IPP: variants seen among roughly 807,000 people sequenced by gnomAD.
IPP encodes intracisternal A particle-promoted polypeptide.
Under a neutral mutation model 64.1 loss-of-function variants are expected in IPP, and 41 were observed. The observed-to-expected ratio is 0.64, with a 90% CI of 0.50 to 0.83. The LOEUF (loss-of-function observed/expected upper bound fraction) is 0.83. Among genes scored for constraint, IPP ranks in the 40% least tolerant of loss-of-function variants. IPP has a pLI of 0.00. For synonymous variants in IPP, 214 were observed against 235.2 expected (o/e 0.91, Z 0.83); for missense variants, 649 against 703.0 (o/e 0.92, Z 0.87).
At chr1:45,709,826 T>TAAA (rs151099023) in intron 8 of IPP, among the ~76,000 whole-genome samples, 95 of 6,684 alleles carry the variant, frequency 0.014, 2 homozygotes, top group Non-Finnish European at 0.024. Flanking sequence ...AGACTCTGTC[T>TAAA]AAAAAAAAAA....
intron 8 of IPP, among the ~76,000 whole-genome samples, chr1:45,713,269 A>G (rs1341719627): frequency 6.6e-6 from 1 of 152,032 alleles, no homozygotes; most frequent in Non-Finnish European, 1.5e-5. Flanking sequence ...CCATAGAAAA[A>G]AAAAAATTCA....
rs553392251 is a variant in IPP at position 45,732,918 on chromosome 1, G to A, written c.725-3149C>T. On this transcript the variant is annotated intron_variant, in intron 3 of 8. Coordinates refer to ENST00000396478, the MANE Select transcript of IPP (RefSeq NM_005897.3). ...CTGACCTCGTGATCTGCCTGCCTCA[G>A]CCTCCCAAAGTGCTGGGATTACAGG... Among the ~76,000 whole-genome samples the A allele has an allele frequency of 2.0e-5, 3 of 152,084 alleles. No homozygotes were observed. In the South Asian group the frequency reaches 6.2e-4, roughly 32 times the overall value.
rs554045807 is a variant in IPP, at chr1:45,723,733, C to T, written c.1048+3898G>A. On this transcript the variant is annotated intron_variant, in intron 5 of 8. Coordinates refer to ENST00000396478, the MANE Select transcript of IPP (RefSeq NM_005897.3). ...GATAAAAATCAAATAGTTCCTATAT[C>T]ACCATAATTTAAACTGACAGTACCA... 3.3e-5 allele frequency among the ~76,000 whole-genome samples: 5 copies of T among 152,104 alleles called. No individual in the cohort carries two copies. The East Asian group carries it at 9.6e-4, about 29-fold the overall frequency.
chr1:45,719,294 T>C lies in IPP; in HGVS notation c.1095A>G (p.Pro365=), dbSNP rs751605426. The C allele has an allele frequency of 6.2e-6, 10 of 1,611,520 alleles. 1 individual carries two copies. Among genetic ancestry groups the C allele is most frequent in the Admixed American group, 5.0e-5 (3 of 59,784 alleles). ...MIFDCTECYD[P]VTKQWTTVAS... ...CTACAGTTGTCCACTGTTTAGTAAC[T>C]GGATCATAGCATTCAGTACAATCAA... Residue 365 remains proline (P), a synonymous_variant, in exon 6 of 9, where the codon CCA becomes CCG. Coordinates refer to ENST00000396478, the MANE Select transcript of IPP (RefSeq NM_005897.3).
Position 45,699,852 on chromosome 1 carries a change from T to TA in IPP, c.*113dup. On this transcript the variant is annotated 3_prime_UTR_variant, in exon 9 of 9. Coordinates refer to ENST00000396478, the MANE Select transcript of IPP (RefSeq NM_005897.3). The stretch of plus-strand genomic sequence containing the variant: ...CCTCGTTAGTCATTTATCTACCAAA[T>TA]ACATGGAAAACTCACAGAATCAGAG... 3.3e-6 allele frequency: 5 copies of TA among 1,504,950 alleles called. No individual in the cohort carries two copies. The highest frequency in any genetic ancestry group is 4.4e-6 in the Non-Finnish European group (5 of 1,130,844). 93.2% of individuals were successfully genotyped at this position (1,504,950 alleles called of 1,614,324 possible).
chr1:45,738,744 G>A (rs947159611), intron 3 of IPP, among the ~76,000 whole-genome samples: 12 of 150,284 alleles, frequency 8.0e-5, no homozygotes, highest in Middle Eastern at 3.4e-3. Context: ...GGAGGCTGAG[G>A]CAGGAGAATG....
intron 4 of IPP, among the ~76,000 whole-genome samples, chr1:45,728,443 G>A (rs1480607215): frequency 1.3e-5 from 2 of 151,842 alleles, no homozygotes; most frequent in African/African-American, 4.8e-5. Flanking sequence ...TGGACTATAT[G>A]TATCAATATG....
intron 2 of IPP, among the ~76,000 whole-genome samples, chr1:45,744,710 G>A (rs28376548): frequency 0.34 from 51,801 of 151,400 alleles, 9,171 homozygotes; most frequent in African/African-American, 0.43. Flanking sequence ...ATGGTGGCAC[G>A]TGCCTGTAGT....
rs530056489 is a variant in IPP, at chr1:45,714,405, G to A, written c.1371C>T (p.Val457=). Residue 457 remains valine (V), a synonymous_variant, in exon 8 of 9, where the codon GTC becomes GTT. Transcript: ENST00000396478. The part of the protein sequence containing the change: ...NEGIELRSFE[V]YDPLSKRWSP... ...ACCAACGCTTAGAAAGTGGATCATA[G>A]ACTTCAAAAGAACGAAGTTCTATTC... 6.2e-7 allele frequency: 1 copy of A among 1,614,020 alleles called. No homozygotes were observed. Among genetic ancestry groups the A allele is most frequent in the South Asian group, 1.1e-5 (1 of 91,080 alleles).
At chr1:45,737,463 T>C (rs1259422572) in intron 3 of IPP, among the ~76,000 whole-genome samples, 1 of 149,334 alleles carries the variant, frequency 6.7e-6, no homozygotes, top group African/African-American at 2.5e-5. Context: ...AATTCTTTTT[T>C]TTTTTTTTTT....
At position 45,727,690 on chromosome 1, in the gene IPP, T is replaced by G. The variant is rs756898715; in HGVS notation, c.989A>C (p.His330Pro). 1.3e-6 allele frequency: 2 copies of G among 1,595,772 alleles called. No individual in the cohort carries two copies. Among genetic ancestry groups the G allele is most frequent in the South Asian group, 1.1e-5 (1 of 88,702 alleles). The change falls in exon 5 of 9, where the codon CAT becomes CCT. Residue 330 changes from histidine (H) to proline (P), a missense_variant. Coordinates refer to ENST00000396478, the MANE Select transcript of IPP (RefSeq NM_005897.3). ...TACTCCCAGCCCACTTCGAGCCTGA[T>G]GAAGTGAAGACACAGTGGTCCAGTA... Reference protein sequence around the residue: ...SQYWTTVSSLHQARSGLGVTV... With the variant: ...SQYWTTVSSLPQARSGLGVTV...
At chr1:45,704,074 A>C (rs1205587590) in intron 8 of IPP, among the ~76,000 whole-genome samples, 1 of 152,062 alleles carries the variant, frequency 6.6e-6, no homozygotes, top group African/African-American at 2.4e-5. Context: ...AATTGTGTCA[A>C]CCCAGGAACT....
At chr1:45,738,013 T>A (rs1056446391) in intron 3 of IPP, among the ~76,000 whole-genome samples, 2 of 152,210 alleles carry the variant, frequency 1.3e-5, no homozygotes, top group Admixed American at 6.5e-5. Flanking sequence ...TGTCTCTAAT[T>A]TATAAATTAA....
rs1314562979 is a variant in IPP at position 45,712,314 on chromosome 1, A to AG, written c.1530+1931dup. 8.7e-4 allele frequency among the ~76,000 whole-genome samples: 131 copies of AG among 151,126 alleles called. 1 individual carries two copies. The highest frequency in any genetic ancestry group is 3.1e-3 in the African/African-American group (129 of 41,210). On this transcript the variant is annotated intron_variant, in intron 8 of 8. Coordinates refer to ENST00000396478, the MANE Select transcript of IPP (RefSeq NM_005897.3). ...GACGACGTCTAAAAAAAAAAAAAAAAGCAACCAACTTGACTTAATGGACAT... is the reference window on the plus strand; with the variant it reads ...GACGACGTCTAAAAAAAAAAAAAAAAGGCAACCAACTTGACTTAATGGACAT...
Position 45,747,192 on chromosome 1 carries a change from C to T in IPP, c.-50-731G>A, listed in dbSNP as rs150576975. The stretch of plus-strand genomic sequence containing the variant: ...CAGGTACTATCTTTCATAGCTTTAG[C>T]ACCAGTATATAACATATGTTAGGTT... On this transcript the variant is annotated intron_variant, in intron 1 of 8. Transcript: ENST00000396478. 1.2e-4 allele frequency among the ~76,000 whole-genome samples: 18 copies of T among 152,090 alleles called. No individual in the cohort carries two copies. In the East Asian group the frequency reaches 2.5e-3, roughly 21 times the overall value.
intron 8 of IPP, among the ~76,000 whole-genome samples, chr1:45,704,131 TG>T: frequency 6.6e-6 from 1 of 152,226 alleles, no homozygotes; most frequent in East Asian, 1.9e-4. Context: ...AGTGACTGGA[TG>T]GGTCACTGGA....
chr1:45,741,840 A>G lies in IPP; in HGVS notation c.293-508T>C, dbSNP rs1225169550. On this transcript the variant is annotated intron_variant, in intron 2 of 8. Coordinates refer to ENST00000396478, the MANE Select transcript of IPP (RefSeq NM_005897.3). ...AGACGGGGTTTCACCGTGTTAGCCA[A>G]GATGGTCTCGATCTCCTGACCTTGT... Among the ~76,000 whole-genome samples, 19 of 81,526 alleles carry G rather than the reference A, an allele frequency of 2.3e-4. 3 individuals are homozygous for G. Among genetic ancestry groups the G allele is most frequent in the African/African-American group, 7.6e-4 (19 of 24,924 alleles). The allele number at this position is 81,526 out of a possible 152,430, so 53.5% of individuals were successfully genotyped here. A position where few individuals can be genotyped will look rare whatever the true frequency, so the allele number is the denominator to read the frequency against.
intron 1 of IPP, 55 bp downstream of exon 1, chr1:45,750,542 G>C (rs1345240739): frequency 1.3e-5 from 2 of 152,454 alleles, no homozygotes; most frequent in African/African-American, 4.8e-5. Context: ...GGAGGGAGTA[G>C]AAGAGGAAGT....
At chr1:45,714,509 A>T (rs1228988023) in intron 7 of IPP, 43 bp from the exon 8 acceptor site, 1 of 1,089,832 alleles carries the variant, frequency 9.2e-7, no homozygotes. Context: ...AGATAGTGAG[A>T]TACAAATAAT....
Sources: allele counts gnomAD v4.1 joint callset (sites outside exome capture counted in the v4.1 genomes callset), GRCh38; gene constraint gnomAD v4.1.1; transcripts MANE v1.5; gene names NCBI Gene and HGNC (gene_info 2026-07-23, HGNC 2026-07-21).